DAAM2: variants seen among roughly 807,000 people sequenced by gnomAD.
The protein encoded by DAAM2 is disheveled-associated activator of morphogenesis 2.
A neutral mutation model predicts 120.7 loss-of-function variants in DAAM2; 39 were observed. The observed-to-expected ratio is 0.32, with a 90% CI of 0.25 to 0.42. The LOEUF is 0.42. DAAM2 is among the 10% of genes least tolerant of loss of function. DAAM2 has a pLI of 1.00. For missense variants in DAAM2, 1,283 were observed against 1,401.7 expected (o/e 0.92, Z 1.35); for synonymous variants, 488 against 524.9 (o/e 0.93, Z 0.96).
rs1401082837 is a variant in DAAM2, at chr6:39,878,007, C to A, written c.1302-196C>A. Among the ~76,000 whole-genome samples, 1 of 152,176 alleles carries A rather than the reference C, an allele frequency of 6.6e-6. No homozygotes were observed. Among genetic ancestry groups the A allele is most frequent in the Non-Finnish European group, 1.5e-5 (1 of 68,038 alleles). On this transcript the variant is annotated intron_variant, in intron 11 of 24. Coordinates refer to ENST00000274867, the MANE Select transcript of DAAM2 (RefSeq NM_001201427.2). The surrounding 1 kb of genome is among the most constrained non-coding windows in gnomAD (Gnocchi z 5.0). ...ATCTAAAGGTCTTTTCTCTCACGGT[C>A]TCCACAGACACATAATGTGAACGGG...
intron 1 of DAAM2, among the ~76,000 whole-genome samples, chr6:39,838,704 G>A (rs970091653): frequency 1.3e-5 from 2 of 152,214 alleles, no homozygotes; most frequent in South Asian, 2.1e-4. Flanking sequence ...ACCCAGGCTG[G>A]ATGGAGTGCA....
rs1052178865 is a variant in DAAM2 at position 39,904,039 on chromosome 6, T to G, written c.*2002T>G. ...GGCCTCTAAAGGTCCTCTCCCAAAC[T>G]GACCAGGCTGATGTCAACCTAACCC... On this transcript the variant is annotated 3_prime_UTR_variant, in exon 25 of 25. Coordinates refer to ENST00000274867, the MANE Select transcript of DAAM2 (RefSeq NM_001201427.2). 8.1e-6 allele frequency: 3 copies of G among 371,864 alleles called. No homozygotes were observed. The highest frequency in any genetic ancestry group is 6.4e-5 in the African/African-American group (3 of 47,022). 23.0% of individuals were successfully genotyped at this position (371,864 alleles called of 1,614,324 possible).
chr6:39,887,558 C>G lies in DAAM2; in HGVS notation c.2026C>G (p.Arg676Gly). 1.2e-6 allele frequency: 2 copies of G among 1,613,754 alleles called. No homozygotes were observed. The highest frequency in any genetic ancestry group is 8.5e-7 in the Non-Finnish European group (1 of 1,179,794). Residue 676 changes from arginine (R) to glycine (G), a missense_variant, in exon 16 of 25, where the codon CGG becomes GGG. Physicochemically the swap from Arg to Gly is moderately radical, Grantham distance 125. Around this residue, in one of 3 missense-constraint regions of DAAM2, gnomAD observed 748 missense variants for 768.6 expected, o/e 0.97. Coordinates refer to ENST00000274867, the MANE Select transcript of DAAM2 (RefSeq NM_001201427.2). The stretch of plus-strand genomic sequence containing the variant: ...CAAAGAGCTGTCGGTCATTGATGGC[C>G]GGAGGGCCCAAAACTGCATCATCCT... Reference protein sequence around the residue: ...KVKELSVIDGRRAQNCIILLS... With the variant: ...KVKELSVIDGGRAQNCIILLS...
At chr6:39,869,780 T>TAA (rs35807167) in intron 7 of DAAM2, among the ~76,000 whole-genome samples, 8 of 99,226 alleles carry the variant, frequency 8.1e-5, no homozygotes, top group Middle Eastern at 5.6e-3. Flanking sequence ...TTTTTTTTTT[T>TAA]AAAAACAATT....
At chr6:39,852,349 A>G (rs2149275472) in intron 1 of DAAM2, among the ~76,000 whole-genome samples, 2 of 152,306 alleles carry the variant, frequency 1.3e-5, no homozygotes, top group Admixed American at 1.3e-4. Flanking sequence ...CTCCCTGTCC[A>G]GGGCCAGTGA....
intron 15 of DAAM2, chr6:39,884,857 G>A (rs3003934): frequency 0.56 from 85,346 of 152,080 alleles, 24,376 homozygotes; most frequent in East Asian, 0.78. Flanking sequence ...AATGTGATTC[G>A]GGAGATGAGT....
intron 19 of DAAM2, among the ~76,000 whole-genome samples, chr6:39,894,922 T>A (rs1269266701): frequency 2.0e-5 from 3 of 152,056 alleles, no homozygotes; most frequent in Non-Finnish European, 2.9e-5. Flanking sequence ...CCTGGCCTGT[T>A]TTGAACTTTA....
intron 11 of DAAM2, among the ~76,000 whole-genome samples, chr6:39,877,296 A>G (rs151053858): frequency 6.6e-6 from 1 of 152,308 alleles, no homozygotes; most frequent in East Asian, 1.9e-4. Context: ...CCCACACAGC[A>G]GTGTTCTTCT....
intron 1 of DAAM2, chr6:39,820,211 G>C (rs1762443892): frequency 7.1e-6 from 1 of 140,694 alleles, no homozygotes; most frequent in South Asian, 2.7e-4. Flanking sequence ...GGGGTGGGTG[G>C]GACCATGTGG....
At chr6:39,887,266 C>T (rs759981246) in intron 15 of DAAM2, 12 of 485,364 alleles carry the variant, frequency 2.5e-5, no homozygotes, top group Middle Eastern at 5.4e-4. Context: ...GGGGGCTTCT[C>T]GGTGTCCTTC....
intron 1 of DAAM2, chr6:39,820,657 T>A (rs1762458962): frequency 6.6e-6 from 1 of 152,228 alleles, no homozygotes; most frequent in African/African-American, 2.4e-5. Flanking sequence ...ATTTACCCTC[T>A]GGACAAGGTT....
intron 1 of DAAM2, among the ~76,000 whole-genome samples, chr6:39,853,272 C>A (rs1397591963): frequency 6.6e-6 from 1 of 152,134 alleles, no homozygotes; most frequent in East Asian, 1.9e-4. Flanking sequence ...TCAGATGGGG[C>A]CTTAAGAAAG....
intron 14 of DAAM2, chr6:39,882,262 TCA>T (rs1765154447): frequency 6.6e-6 from 1 of 152,056 alleles, no homozygotes; most frequent in Non-Finnish European, 1.5e-5. Flanking sequence ...GCTCCAGACC[TCA>T]GTTATACCTC....
At chr6:39,850,046 G>GCCCCAGCCCCA (rs1763747360) in intron 1 of DAAM2, among the ~76,000 whole-genome samples, 1 of 152,082 alleles carries the variant, frequency 6.6e-6, no homozygotes, top group East Asian at 1.9e-4. Context: ...CCCAGCCCCA[G>GCCCCAGCCCCA]GGGACCTGGT....
At chr6:39,899,572 G>A (rs1766346513) in intron 22 of DAAM2, 1 of 159,492 alleles carries the variant, frequency 6.3e-6, no homozygotes, top group South Asian at 1.8e-4. Flanking sequence ...GGACTTTAGA[G>A]ACAGATTAAG....
Position 39,879,287 on chromosome 6 carries a change from GTCCCCC to G in DAAM2, c.1662_1667del (p.Pro558_Pro559del). 5 of 1,436,062 alleles carry G rather than the reference GTCCCCC, an allele frequency of 3.5e-6. No homozygotes were observed. Among genetic ancestry groups the G allele is most frequent in the Non-Finnish European group, 3.8e-6 (4 of 1,051,906 alleles). 89.0% of individuals were successfully genotyped at this position (1,436,062 alleles called of 1,614,324 possible). A position where few individuals can be genotyped will look rare whatever the true frequency, so the allele number is the denominator to read the frequency against. ...CCTCCTCCTCTGCCCTTTGCCTGTT[GTCCCCC>G]TCCCCCACCACCACCCCTTCCTCCC... On this transcript the variant is annotated inframe_deletion, in exon 14 of 25. Coordinates refer to ENST00000274867, the MANE Select transcript of DAAM2 (RefSeq NM_001201427.2).
At chr6:39,811,250 T>C (rs917664939) in intron 1 of DAAM2, among the ~76,000 whole-genome samples, 4 of 151,922 alleles carry the variant, frequency 2.6e-5, no homozygotes, top group Non-Finnish European at 5.9e-5. Flanking sequence ...TGGGTATTTA[T>C]AGCTGGATCT....
intron 1 of DAAM2, among the ~76,000 whole-genome samples, chr6:39,845,550 A>G (rs1264289352): frequency 6.6e-6 from 1 of 150,458 alleles, no homozygotes; most frequent in Non-Finnish European, 1.5e-5. Flanking sequence ...ATAAACATAC[A>G]CCATACCACA....
intron 19 of DAAM2, among the ~76,000 whole-genome samples, chr6:39,894,993 G>C (rs1420662579): frequency 6.6e-6 from 1 of 152,056 alleles, no homozygotes; most frequent in African/African-American, 2.4e-5. Flanking sequence ...CAACATTATG[G>C]TTGTGGGTTG....
Sources: allele counts gnomAD v4.1 joint callset (sites outside exome capture counted in the v4.1 genomes callset), GRCh38; gene constraint gnomAD v4.1.1; regional missense constraint gnomAD v4.1.1; non-coding constraint Gnocchi (gnomAD v3.1); transcripts MANE v1.5; gene names NCBI Gene and HGNC (gene_info 2026-07-23, HGNC 2026-07-21).